The following NME7 variants were observed in gnomAD, a reference collection of about 807,000 sequenced individuals.
The protein encoded by NME7 is NME/NM23 family member 7.
A neutral mutation model predicts 49.1 loss-of-function variants in NME7; 41 were observed. The observed-to-expected ratio is 0.83, with a 90% CI of 0.65 to 1.08. NME7 has a LOEUF of 1.08. Ranked by LOEUF, NME7 falls within the 50% of genes least tolerant of loss-of-function variation. NME7 has a pLI of 0.00. For synonymous variants in NME7, 139 were observed against 150.6 expected (o/e 0.92, Z 0.56); for missense variants, 423 against 463.4 (o/e 0.91, Z 0.80).
chr1:169,211,636 A>T (rs1161162014), intron 10 of NME7, among the ~76,000 whole-genome samples: 1 of 152,186 alleles, frequency 6.6e-6, no homozygotes, highest in Non-Finnish European at 1.5e-5. Context: ...GTAATAAAAC[A>T]ATATGATATA....
chr1:169,290,577 G>A (rs925080893), intron 6 of NME7, among the ~76,000 whole-genome samples: 11 of 152,128 alleles, frequency 7.2e-5, no homozygotes, highest in African/African-American at 2.7e-4. Flanking sequence ...GAAAACCTCA[G>A]CAATATCATT....
At chr1:169,276,944 T>C (rs924371289) in intron 7 of NME7, among the ~76,000 whole-genome samples, 6 of 150,480 alleles carry the variant, frequency 4.0e-5, no homozygotes, top group African/African-American at 1.5e-4. Flanking sequence ...TTTCGTTATG[T>C]ACCCAGTAGT....
chr1:169,268,519 A>C (rs1397961054), intron 7 of NME7, among the ~76,000 whole-genome samples: 1 of 134,138 alleles, frequency 7.5e-6, no homozygotes, highest in African/African-American at 2.5e-5. Context: ...ACAATAGTAA[A>C]GACATAAAAG....
intron 11 of NME7, among the ~76,000 whole-genome samples, chr1:169,149,792 C>T (rs1658857953): frequency 6.6e-6 from 1 of 152,138 alleles, no homozygotes. Context: ...TTACGAATTG[C>T]TTACTTCTGG....
intron 1 of NME7, among the ~76,000 whole-genome samples, chr1:169,332,921 A>G (rs1652313070): frequency 6.6e-6 from 1 of 152,120 alleles, no homozygotes; most frequent in South Asian, 2.1e-4. Flanking sequence ...AAGGTTTCTC[A>G]CAGAACTAAA....
chr1:169,331,147 A>T (rs1324105192), intron 1 of NME7, among the ~76,000 whole-genome samples: 1 of 152,220 alleles, frequency 6.6e-6, no homozygotes, highest in African/African-American at 2.4e-5. Context: ...CTGGGATGCA[A>T]GGATGGTTCA....
intron 3 of NME7, 71 bp from the exon 4 acceptor site, chr1:169,310,151 G>A (rs1651331225): frequency 3.2e-6 from 3 of 926,496 alleles, no homozygotes; most frequent in Non-Finnish European, 1.7e-6. Context: ...TTCCCAAGCA[G>A]CAGTATTCTC....
intron 1 of NME7, among the ~76,000 whole-genome samples, chr1:169,364,642 T>C (rs575878144): frequency 8.5e-5 from 13 of 152,110 alleles, no homozygotes; most frequent in Non-Finnish European, 1.5e-4. Flanking sequence ...ATTATAACAG[T>C]GAGAGAAATC....
At position 169,346,628 on chromosome 1, in the gene NME7, A is replaced by G. The variant is rs995863966; in HGVS notation, c.3+21080T>C. Among the ~76,000 whole-genome samples the G allele has an allele frequency of 4.6e-5, 7 of 152,174 alleles. No individual in the cohort carries two copies. In the East Asian group the frequency reaches 1.3e-3, roughly 29 times the overall value. The stretch of plus-strand genomic sequence containing the variant: ...TCCCGTAGCACTTATTTACCTTCAA[A>G]TATAATGTATACTATACTTCATATG... On this transcript the variant is annotated intron_variant, in intron 1 of 11. Coordinates refer to ENST00000367811, the MANE Select transcript of NME7 (RefSeq NM_013330.5).
At chr1:169,265,705 T>C (rs1649296766) in intron 7 of NME7, among the ~76,000 whole-genome samples, 1 of 128,616 alleles carries the variant, frequency 7.8e-6, no homozygotes, top group Non-Finnish European at 1.8e-5. Flanking sequence ...GTTTTTTTTT[T>C]TAAAGTAAGA....
chr1:169,231,090 T>C (rs1246908567), intron 9 of NME7, among the ~76,000 whole-genome samples: 1 of 152,180 alleles, frequency 6.6e-6, no homozygotes, highest in African/African-American at 2.4e-5. Context: ...TAGTATATCT[T>C]CCTTGCAAAG....
intron 1 of NME7, among the ~76,000 whole-genome samples, chr1:169,329,130 A>G (rs904993573): frequency 2.0e-5 from 3 of 152,122 alleles, no homozygotes; most frequent in Non-Finnish European, 2.9e-5. Flanking sequence ...ATAGGTTTCA[A>G]AATCAACCCT....
At chr1:169,262,113 C>T (rs1649182743) in intron 7 of NME7, among the ~76,000 whole-genome samples, 1 of 127,718 alleles carries the variant, frequency 7.8e-6, no homozygotes, top group African/African-American at 2.6e-5. Flanking sequence ...CAAACAGAGA[C>T]ATGATGAGCA....
chr1:169,364,164 G>A (rs1653765289), intron 1 of NME7, among the ~76,000 whole-genome samples: 1 of 152,136 alleles, frequency 6.6e-6, no homozygotes, highest in African/African-American at 2.4e-5. Flanking sequence ...ACATTTGAGT[G>A]CCTAATATGA....
chr1:169,134,411 T>C (rs1024602732), intron 11 of NME7, among the ~76,000 whole-genome samples: 4 of 152,174 alleles, frequency 2.6e-5, no homozygotes, highest in African/African-American at 9.7e-5. Context: ...GAAATGGGTT[T>C]TCACACAAGT....
rs767870328 is a variant in NME7 at position 169,257,098 on chromosome 1, G to A, written c.755-19411C>T. On this transcript the variant is annotated intron_variant, in intron 7 of 11. Coordinates refer to ENST00000367811, the MANE Select transcript of NME7 (RefSeq NM_013330.5). ...GAGCTGTGGTGGGCTCCGCCCAGGT[G>A]GAGCTTCCTGGCTGCTTTGTTTACC... Among the ~76,000 whole-genome samples, 7 of 134,884 alleles carry A rather than the reference G, an allele frequency of 5.2e-5. 3 individuals are homozygous for A. The highest frequency in any genetic ancestry group is 1.2e-4 in the Non-Finnish European group (7 of 57,110). The allele number at this position is 134,884 out of a possible 152,430, so 88.5% of individuals were successfully genotyped here. A position where few individuals can be genotyped will look rare whatever the true frequency, so the allele number is the denominator to read the frequency against.
chr1:169,348,501 T>C (rs1433258447), intron 1 of NME7, among the ~76,000 whole-genome samples: 5 of 152,162 alleles, frequency 3.3e-5, no homozygotes, highest in Non-Finnish European at 7.4e-5. Context: ...TGTGATACTG[T>C]GTACATCTGT....
chr1:169,212,340 A>T (rs1660849346), intron 10 of NME7, among the ~76,000 whole-genome samples: 1 of 152,150 alleles, frequency 6.6e-6, no homozygotes, highest in African/African-American at 2.4e-5. Context: ...ATTCATTGTT[A>T]AAAAACATAG....
At position 169,184,032 on chromosome 1, in the gene NME7, G is replaced by A. The variant is rs74125211; in HGVS notation, c.991-14478C>T. On this transcript the variant is annotated intron_variant, in intron 10 of 11. Coordinates refer to ENST00000367811, the MANE Select transcript of NME7 (RefSeq NM_013330.5). Reference sequence around the variant, plus strand: ...TGAAAAGAAAAACTTTTTATTAGGAGTTATATTCTAAAAGGTAACTTTAAC... The same window carrying A: ...TGAAAAGAAAAACTTTTTATTAGGAATTATATTCTAAAAGGTAACTTTAAC... 5.0e-3 allele frequency among the ~76,000 whole-genome samples: 751 copies of A among 151,190 alleles called. 5 individuals are homozygous for A. Among genetic ancestry groups the A allele is most frequent in the African/African-American group, 0.017 (720 of 41,236 alleles).
Sources: allele counts gnomAD v4.1 joint callset (sites outside exome capture counted in the v4.1 genomes callset), GRCh38; gene constraint gnomAD v4.1.1; transcripts MANE v1.5; gene names NCBI Gene and HGNC (gene_info 2026-07-23, HGNC 2026-07-21).